HSPG2: variants seen among roughly 807,000 people sequenced by gnomAD.
HSPG2 encodes the protein heparan sulfate proteoglycan 2.
HSPG2 carries 278 observed loss-of-function variants against 526.6 expected under a neutral mutation model. That is an observed-to-expected ratio of 0.53 (90% CI 0.48 to 0.58). HSPG2 has a LOEUF of 0.58. HSPG2 is among the 20% of genes least tolerant of loss of function. The pLI is 0.00. For synonymous variants in HSPG2, 2,465 were observed against 2,555.4 expected, an observed-to-expected ratio of 0.96 and a Z score of 1.07; for missense variants, 5,354 against 6,099.5, an observed-to-expected ratio of 0.88 and a Z score of 4.07.
rs1448802998 is a variant in HSPG2 at position 21,865,840 on chromosome 1, C to T, written c.4222-31G>A. The T allele has an allele frequency of 6.4e-7, 1 of 1,555,224 alleles. No homozygotes were observed. The highest frequency in any genetic ancestry group is 8.9e-7 in the Non-Finnish European group (1 of 1,127,316). On this transcript the variant is annotated intron_variant, in intron 33 of 96. Coordinates refer to ENST00000374695, the MANE Select transcript of HSPG2 (RefSeq NM_005529.7). The surrounding 1 kb of genome is among the most constrained non-coding windows in gnomAD (Gnocchi z 5.4). ...AAGAGGCAAGCCCAGAGGTCACAGG[C>T]TGACCTTGGGGTGTGAGTGTTGGAC...
At chr1:21,916,413 G>A (rs1180419842) in intron 1 of HSPG2, among the ~76,000 whole-genome samples, 1 of 152,146 alleles carries the variant, frequency 6.6e-6, no homozygotes, top group Non-Finnish European at 1.5e-5. Flanking sequence ...GAGGAGGCAG[G>A]AGAATGGCAT....
In HSPG2 at chr1:21,830,107, G is replaced by A. The variant is rs751184912; in HGVS notation, c.11672-16C>T. 2.3e-5 allele frequency: 36 copies of A among 1,577,528 alleles called. No individual in the cohort carries two copies. Among genetic ancestry groups the A allele is most frequent in the Admixed American group, 3.6e-5 (2 of 55,898 alleles). Reference sequence around the variant, plus strand: ...CCACAGGCCTCTGGGGGGCACATAGGCCAGTGAAAAGACACGGAGGTGACT... The same window carrying A: ...CCACAGGCCTCTGGGGGGCACATAGACCAGTGAAAAGACACGGAGGTGACT... On this transcript the variant is annotated splice_polypyrimidine_tract_variant and intron_variant, in intron 85 of 96. Coordinates refer to ENST00000374695, the MANE Select transcript of HSPG2 (RefSeq NM_005529.7).
rs751136837 is a variant in HSPG2 at position 21,872,360 on chromosome 1, G to A, written c.4047C>T (p.Ala1349=). 1 of 1,574,720 alleles carries A rather than the reference G, an allele frequency of 6.4e-7. No individual in the cohort carries two copies. Among genetic ancestry groups the A allele is most frequent in the Non-Finnish European group, 8.6e-7 (1 of 1,158,828 alleles). ...GGGCAAAGCCTTGGAAGTCCCCAGG[G>A]GCAAAGTGGGTGGAGATCTGGCAGG... is the stretch of plus-strand genomic sequence containing the variant. ...YTRHLISTHF[A]PGDFQGFALV... The change falls in exon 33 of 97, where the codon GCC becomes GCT. Residue 1349 remains alanine (A), a synonymous_variant. Transcript: ENST00000374695. This position sits in a 1 kb window ranked among gnomAD's most constrained non-coding sequence, Gnocchi z 5.5.
chr1:21,860,665 G>C (rs897694113), intron 39 of HSPG2, among the ~76,000 whole-genome samples: 1 of 152,070 alleles, frequency 6.6e-6, no homozygotes, highest in Non-Finnish European at 1.5e-5. Context: ...CTAATTTTTT[G>C]TATTTTTAGT....
chr1:21,861,155 G>A (rs1639756991), intron 39 of HSPG2, among the ~76,000 whole-genome samples: 1 of 152,206 alleles, frequency 6.6e-6, no homozygotes, highest in Non-Finnish European at 1.5e-5. Context: ...ACTCCGTAAG[G>A]GCTGGGGTGG....
chr1:21,845,516 C>G (rs1043212595), intron 64 of HSPG2, among the ~76,000 whole-genome samples: 1 of 152,044 alleles, frequency 6.6e-6, no homozygotes, highest in African/African-American at 2.4e-5. Context: ...GTAGTTAGGA[C>G]TAACGGTAGG....
At chr1:21,853,826 G>C (rs1236259298) in intron 50 of HSPG2, 1 of 246,242 alleles carries the variant, frequency 4.1e-6, no homozygotes, top group Non-Finnish European at 7.9e-6. Flanking sequence ...GACCAAGCAG[G>C]TGGGCAGTAC....
chr1:21,874,378 G>A (rs1443812743), intron 28 of HSPG2, 28 bp downstream of exon 28: 1 of 1,610,544 alleles, frequency 6.2e-7, no homozygotes, highest in Non-Finnish European at 8.5e-7. Flanking sequence ...TTCAGGGAAG[G>A]GCAGGTGCAG....
In HSPG2 at chr1:21,850,598, G is replaced by A. The variant is rs1638816789; in HGVS notation, c.7159-100C>T. On this transcript the variant is annotated intron_variant, in intron 55 of 96. Transcript: ENST00000374695. ...TCTGACCCCCAAGGCCTGGCCATCA[G>A]CTCTGGATCAGTTTCCCTGTCCTTC... The A allele has an allele frequency of 1.2e-5, 16 of 1,355,430 alleles. No homozygotes were observed. In the South Asian group the frequency reaches 2.0e-4, roughly 17 times the overall value. The allele number at this position is 1,355,430 out of a possible 1,614,324, so 84.0% of individuals were successfully genotyped here.
rs1642700751 is a variant in HSPG2 at position 21,895,730 on chromosome 1, TG to T, written c.244+191del. On this transcript the variant is annotated intron_variant, in intron 3 of 96. Transcript: ENST00000374695. The surrounding 1 kb of genome is among the most constrained non-coding windows in gnomAD (Gnocchi z 4.1). ...CTGTGGCATGGGCAAGCACAGGACC[TG>T]GCCACACCAGCCTTGCAGGGACCTG... Among the ~76,000 whole-genome samples the T allele has an allele frequency of 6.6e-6, 1 of 152,206 alleles. No individual in the cohort carries two copies. Among genetic ancestry groups the T allele is most frequent in the African/African-American group, 2.4e-5 (1 of 41,446 alleles).
intron 67 of HSPG2, 22 bp from the exon 68 acceptor site, chr1:21,842,402 A>G (rs1268129793): frequency 2.5e-6 from 4 of 1,585,090 alleles, no homozygotes; most frequent in Admixed American, 1.8e-5. Context: ...GCGAGGGGAC[A>G]GTTATCAGGG....
intron 1 of HSPG2, among the ~76,000 whole-genome samples, chr1:21,912,791 C>A (rs181754606): frequency 1.2e-4 from 18 of 152,162 alleles, no homozygotes; most frequent in African/African-American, 4.1e-4. Flanking sequence ...ACCAGCCTGG[C>A]CAACACGGTG....
chr1:21,864,737 G>A lies in HSPG2; in HGVS notation c.4626+106C>T, dbSNP rs527851765. 9 of 903,214 alleles carry A rather than the reference G, an allele frequency of 1.0e-5. No homozygotes were observed. The East Asian group carries it at 2.4e-4, about 24-fold the overall frequency. The allele number at this position is 903,214 out of a possible 1,614,324, so 55.9% of individuals were successfully genotyped here. A position where few individuals can be genotyped will look rare whatever the true frequency, so the allele number is the denominator to read the frequency against. ...AATACATGCAGGGCCCAGATGCAGG[G>A]GTCATTATAGTTATGATGGTAATCA... On this transcript the variant is annotated intron_variant, in intron 36 of 96. Coordinates refer to ENST00000374695, the MANE Select transcript of HSPG2 (RefSeq NM_005529.7). The surrounding 1 kb of genome is among the most constrained non-coding windows in gnomAD (Gnocchi z 4.8).
At chr1:21,835,857 G>A (rs1212925454) in intron 75 of HSPG2, among the ~76,000 whole-genome samples, 1 of 151,942 alleles carries the variant, frequency 6.6e-6, no homozygotes, top group African/African-American at 2.4e-5. Context: ...GGTGGCACAC[G>A]CCTGTAATCC....
At chr1:21,881,867 C>T (rs1253222598) in intron 13 of HSPG2, among the ~76,000 whole-genome samples, 3 of 143,788 alleles carry the variant, frequency 2.1e-5, no homozygotes, top group African/African-American at 7.8e-5. Context: ...CACTTGAACC[C>T]GGGAGGCGGA....
intron 1 of HSPG2, among the ~76,000 whole-genome samples, chr1:21,936,785 G>A (rs1356905299): frequency 3.3e-5 from 5 of 152,164 alleles, no homozygotes; most frequent in Non-Finnish European, 5.9e-5. Flanking sequence ...GGCGCAGAAG[G>A]GTTCCCTCGT....
At chr1:21,936,998 C>G (rs1210945433) in intron 1 of HSPG2, among the ~76,000 whole-genome samples, 157 bp downstream of exon 1, 2 of 151,898 alleles carry the variant, frequency 1.3e-5, no homozygotes, top group Non-Finnish European at 2.9e-5. Flanking sequence ...AGGGTGGCGC[C>G]GGCCCGGGGT....
chr1:21,904,073 A>G lies in HSPG2; in HGVS notation c.64-7763T>C, dbSNP rs1643242887. On this transcript the variant is annotated intron_variant, in intron 1 of 96. Transcript: ENST00000374695. This position sits in a 1 kb window ranked among gnomAD's most constrained non-coding sequence, Gnocchi z 4.4. ...CTACTATGTGCTGGGCCCGGGGGAC[A>G]AAATGTGAAATGGACACAGAACTCC... Among the ~76,000 whole-genome samples, 1 of 152,234 alleles carries G rather than the reference A, an allele frequency of 6.6e-6. No homozygotes were observed. The highest frequency in any genetic ancestry group is 6.5e-5 in the Admixed American group (1 of 15,278).
chr1:21,838,933 C>A lies in HSPG2; in HGVS notation c.10042G>T (p.Glu3348Ter), dbSNP rs530138013. ...SLPGRATARN[E>*]LLHFERAAPE... Reference sequence around the variant, plus strand: ...GCTGCACGCTCAAAGTGCAGCAGCTCGTTCCTGGCGGTCGCCCTCCCAGGA... The same window carrying A: ...GCTGCACGCTCAAAGTGCAGCAGCTAGTTCCTGGCGGTCGCCCTCCCAGGA... Residue 3348 changes from glutamate to a stop codon, truncating the protein, a stop_gained, in exon 74 of 97, where the codon GAG becomes TAG. Coordinates refer to ENST00000374695, the MANE Select transcript of HSPG2 (RefSeq NM_005529.7). LOFTEE classifies it high-confidence loss of function. 6.2e-7 allele frequency: 1 copy of A among 1,612,292 alleles called. No homozygotes were observed. Among genetic ancestry groups the A allele is most frequent in the Non-Finnish European group, 8.5e-7 (1 of 1,179,056 alleles).
Sources: allele counts gnomAD v4.1 joint callset (sites outside exome capture counted in the v4.1 genomes callset), GRCh38; gene constraint gnomAD v4.1.1; non-coding constraint Gnocchi (gnomAD v3.1); transcripts MANE v1.5; gene names NCBI Gene and HGNC (gene_info 2026-07-23, HGNC 2026-07-21).